H3C11: variants seen among roughly 807,000 people sequenced by gnomAD.
H3C11 encodes the protein histone H3.1.
Under a neutral mutation model 9.1 loss-of-function variants are expected in H3C11, and 10 were observed. The ratio of observed to expected loss-of-function variants is 1.10; its 90% CI spans 0.68 to 1.86. The LOEUF (loss-of-function observed/expected upper bound fraction) is 1.86, where lower values mean the gene tolerates loss of function less well. Among genes scored for constraint, H3C11 ranks in the 40% most tolerant of loss-of-function variants. The pLI is 0.00. For missense variants in H3C11, 197 were observed against 192.5 expected (o/e 1.02, Z -0.14); for synonymous variants, 132 against 82.4 (o/e 1.60, Z -3.26).
chr6:27,872,107 C>G lies in H3C11; in HGVS notation c.209G>C (p.Arg70Pro), dbSNP rs1323509294. 6.2e-7 allele frequency: 1 copy of G among 1,614,202 alleles called. No homozygotes were observed. The highest frequency in any genetic ancestry group is 8.5e-7 in the Non-Finnish European group (1 of 1,180,032). Residue 70 changes from arginine to proline, a missense_variant, in exon 1 of 1, where the codon CGC becomes CCC. Transcript: ENST00000616365. ...ELLIRKLPFQRLVREIAQDFK... is the reference protein window; with the variant it reads ...ELLIRKLPFQPLVREIAQDFK... ...GTCCTGTGCGATCTCCCGTACCAAGCGCTGAAAAGGTAGCTTCCGGATTAG... is the reference window on the plus strand; with the variant it reads ...GTCCTGTGCGATCTCCCGTACCAAGGGCTGAAAAGGTAGCTTCCGGATTAG...
chr6:27,871,857 A>C lies in H3C11; in HGVS notation c.*48T>G, dbSNP rs368456166. ...TTTTGGTGACAATTGAGGGGCTCTG[A>C]AAAGAGCCTTTTGGGGTTGGACAGA... On this transcript the variant is annotated 3_prime_UTR_variant, in exon 1 of 1. Coordinates refer to ENST00000616365, the MANE Select transcript of H3C11 (RefSeq NM_003533.3). The C allele has an allele frequency of 1.5e-5, 23 of 1,561,016 alleles. No individual in the cohort carries two copies. The African/African-American group carries it at 2.9e-4, about 19-fold the overall frequency.
Position 27,872,196 on chromosome 6 carries a change from G to A in H3C11, c.120C>T (p.His40=), listed in dbSNP as rs769559224. The change falls in exon 1 of 1, where the codon CAC becomes CAT. Residue 40 remains histidine (H), a synonymous_variant. Coordinates refer to ENST00000616365, the MANE Select transcript of H3C11 (RefSeq NM_003533.3). ...GGGCCACGGTGCCGGGGCGGTAGCG[G>A]TGGGGCTTCTTGACGCCACCGGTGG... ...APATGGVKKP[H]RYRPGTVALR... 5 of 1,613,630 alleles carry A rather than the reference G, an allele frequency of 3.1e-6. No individual in the cohort carries two copies. Among genetic ancestry groups the A allele is most frequent in the Admixed American group, 1.7e-5 (1 of 59,968 alleles).
rs770440163 is a variant in H3C11, at chr6:27,872,178, G to A, written c.138C>T (p.Thr46=). The stretch of plus-strand genomic sequence containing the variant: ...AGCGGCGGATCTCGCGCAGGGCCAC[G>A]GTGCCGGGGCGGTAGCGGTGGGGCT... ...VKKPHRYRPG[T]VALREIRRYQ... Residue 46 remains threonine (T), a synonymous_variant, in exon 1 of 1, where the codon ACC becomes ACT. Transcript: ENST00000616365. 1.1e-5 allele frequency: 18 copies of A among 1,613,896 alleles called. No homozygotes were observed. Among genetic ancestry groups the A allele is most frequent in the South Asian group, 2.2e-5 (2 of 91,084 alleles).
chr6:27,872,132 G>A lies in H3C11; in HGVS notation c.184C>T (p.Leu62=), dbSNP rs975924574. Residue 62 remains leucine (L), a synonymous_variant, in exon 1 of 1, where the codon CTA becomes TTA. Transcript: ENST00000616365. ...IRRYQKSTEL[L]IRKLPFQRLV... ...CGCTGAAAAGGTAGCTTCCGGATTA[G>A]CAGCTCGGTCGACTTCTGGTAGCGG... The A allele has an allele frequency of 1.2e-6, 2 of 1,614,066 alleles. No homozygotes were observed. Among genetic ancestry groups the A allele is most frequent in the East Asian group, 2.2e-5 (1 of 44,882 alleles).
chr6:27,871,976 G>C lies in H3C11; in HGVS notation c.340C>G (p.His114Asp). The C allele has an allele frequency of 6.2e-7, 1 of 1,614,240 alleles. No homozygotes were observed. Reference protein sequence around the residue: ...LFEDTNLCAIHAKRVTIMPKD... With the variant: ...LFEDTNLCAIDAKRVTIMPKD... Reference sequence around the variant, plus strand: ...GGCATAATAGTGACGCGTTTGGCGTGAATGGCGCACAGGTTGGTATCCTCA... The same window carrying C: ...GGCATAATAGTGACGCGTTTGGCGTCAATGGCGCACAGGTTGGTATCCTCA... Residue 114 changes from histidine to aspartate, a missense_variant, in exon 1 of 1, where the codon CAC (histidine) becomes GAC (aspartate). Coordinates refer to ENST00000616365, the MANE Select transcript of H3C11 (RefSeq NM_003533.3).
At position 27,872,225 on chromosome 6, in the gene H3C11, G is replaced by C. The variant is rs1441556812; in HGVS notation, c.91C>G (p.Pro31Ala). 8 of 1,612,964 alleles carry C rather than the reference G, an allele frequency of 5.0e-6. No individual in the cohort carries two copies. Among genetic ancestry groups the C allele is most frequent in the South Asian group, 1.1e-5 (1 of 91,008 alleles). Residue 31 changes from proline (P) to alanine (A), a missense_variant, in exon 1 of 1, where the codon CCG becomes GCG. By Grantham distance (27) the Pro-to-Ala change is conservative (BLOSUM62 -1). Transcript: ENST00000616365. ...LATKAARKSA[P>A]ATGGVKKPHR... The stretch of plus-strand genomic sequence containing the variant: ...GGCTTCTTGACGCCACCGGTGGCCG[G>C]AGCGCTCTTGCGAGCCGCCTTGGTG...
In H3C11 at chr6:27,871,948, T is replaced by C. The variant is rs761339099; in HGVS notation, c.368A>G (p.Lys123Arg). ...GATGCGGCGCGCAAGCTGGATGTCT[T>C]TAGGCATAATAGTGACGCGTTTGGC... is the stretch of plus-strand genomic sequence containing the variant. ...IHAKRVTIMP[K>R]DIQLARRIRG... The change falls in exon 1 of 1, where the codon AAA (lysine) becomes AGA (arginine). Residue 123 changes from lysine to arginine, a missense_variant. Physicochemically the swap from Lys to Arg is conservative, Grantham distance 26 (BLOSUM62 2). Coordinates refer to ENST00000616365, the MANE Select transcript of H3C11 (RefSeq NM_003533.3). 13 of 1,614,182 alleles carry C rather than the reference T, an allele frequency of 8.1e-6. No individual in the cohort carries two copies. Among genetic ancestry groups the C allele is most frequent in the Non-Finnish European group, 1.0e-5 (12 of 1,180,014 alleles).
Position 27,872,065 on chromosome 6 carries a change from C to A in H3C11, c.251G>T (p.Arg84Leu). Residue 84 changes from arginine (R) to leucine (L), a missense_variant, in exon 1 of 1, where the codon CGC becomes CTC. Arg to Leu is a moderately radical substitution (Grantham distance 102, BLOSUM62 -2). Coordinates refer to ENST00000616365, the MANE Select transcript of H3C11 (RefSeq NM_003533.3). Reference sequence around the variant, plus strand: ...CGCCATCACCGCCGAGCTCTGGAAGCGCAGATCGGTCTTAAAGTCCTGTGC... The same window carrying A: ...CGCCATCACCGCCGAGCTCTGGAAGAGCAGATCGGTCTTAAAGTCCTGTGC... Reference protein sequence around the residue: ...EIAQDFKTDLRFQSSAVMALQ... With the variant: ...EIAQDFKTDLLFQSSAVMALQ... 1 of 1,614,222 alleles carries A rather than the reference C, an allele frequency of 6.2e-7. No individual in the cohort carries two copies. The highest frequency in any genetic ancestry group is 2.2e-5 in the East Asian group (1 of 44,880).
rs1385431916 is a variant in H3C11 at position 27,872,279 on chromosome 6, C to T, written c.37G>A (p.Gly13Ser). Residue 13 changes from glycine to serine, a missense_variant, in exon 1 of 1, where the codon GGC becomes AGC. Gly to Ser is a moderately conservative substitution (Grantham distance 56). Transcript: ENST00000616365. Reference sequence around the variant, plus strand: ...AGCTGCTTGCGCGGCGCTTTGCCGCCGGTGGACTTGCGAGCTGTTTGCTTT... The same window carrying T: ...AGCTGCTTGCGCGGCGCTTTGCCGCTGGTGGACTTGCGAGCTGTTTGCTTT... The part of the protein sequence containing the change: ...RTKQTARKST[G>S]GKAPRKQLAT... 6.2e-7 allele frequency: 1 copy of T among 1,611,388 alleles called. No individual in the cohort carries two copies. Among genetic ancestry groups the T allele is most frequent in the Non-Finnish European group, 8.5e-7 (1 of 1,179,290 alleles).
In H3C11 at chr6:27,872,290, C is replaced by T; in HGVS notation, c.26G>A (p.Arg9His). 1.2e-6 allele frequency: 2 copies of T among 1,611,010 alleles called. No individual in the cohort carries two copies. The highest frequency in any genetic ancestry group is 1.7e-6 in the Non-Finnish European group (2 of 1,179,164). MARTKQTA[R>H]KSTGGKAPRK... ...CGGCGCTTTGCCGCCGGTGGACTTGCGAGCTGTTTGCTTTGTTCGTGCCAT... is the reference window on the plus strand; with the variant it reads ...CGGCGCTTTGCCGCCGGTGGACTTGTGAGCTGTTTGCTTTGTTCGTGCCAT... The change falls in exon 1 of 1, where the codon CGC becomes CAC. Residue 9 changes from arginine (R) to histidine (H), a missense_variant. Arg to His is a conservative substitution (Grantham distance 29). Transcript: ENST00000616365.
chr6:27,872,217 G>C lies in H3C11; in HGVS notation c.99C>G (p.Thr33=). 5 of 1,612,978 alleles carry C rather than the reference G, an allele frequency of 3.1e-6. No individual in the cohort carries two copies. Among genetic ancestry groups the C allele is most frequent in the Non-Finnish European group, 4.2e-6 (5 of 1,179,486 alleles). Residue 33 remains threonine, a synonymous_variant, in exon 1 of 1, where the codon ACC becomes ACG. Transcript: ENST00000616365. ...TKAARKSAPA[T]GGVKKPHRYR... ...AGCGGTGGGGCTTCTTGACGCCACC[G>C]GTGGCCGGAGCGCTCTTGCGAGCCG...
Position 27,872,327 on chromosome 6 carries a change from C to A in H3C11, c.-12G>T, listed in dbSNP as rs1284367983. 2.5e-6 allele frequency: 4 copies of A among 1,589,568 alleles called. No individual in the cohort carries two copies. The highest frequency in any genetic ancestry group is 8.5e-7 in the Non-Finnish European group (1 of 1,173,116). On this transcript the variant is annotated 5_prime_UTR_variant, in exon 1 of 1. Coordinates refer to ENST00000616365, the MANE Select transcript of H3C11 (RefSeq NM_003533.3). Reference sequence around the variant, plus strand: ...TTTGTTCGTGCCATGGCTAAGTAGACGTACCTACTCAACACAAATGAGAGA... The same window carrying A: ...TTTGTTCGTGCCATGGCTAAGTAGAAGTACCTACTCAACACAAATGAGAGA...
Position 27,871,845 on chromosome 6 carries a change from T to G in H3C11, c.*60A>C. On this transcript the variant is annotated 3_prime_UTR_variant, in exon 1 of 1. Transcript: ENST00000616365. ...GCTACAGCTTCCTTTTGGTGACAAT[T>G]GAGGGGCTCTGAAAAGAGCCTTTTG... is the stretch of plus-strand genomic sequence containing the variant. The G allele has an allele frequency of 6.6e-7, 1 of 1,516,904 alleles. No homozygotes were observed. The highest frequency in any genetic ancestry group is 8.9e-7 in the Non-Finnish European group (1 of 1,119,832). The allele number at this position is 1,516,904 out of a possible 1,614,324, so 94.0% of individuals were successfully genotyped here.
chr6:27,872,117 GTAGCTTCCGGA>G lies in H3C11; in HGVS notation c.188_198del (p.Ile63ThrfsTer14). 6.2e-7 allele frequency: 1 copy of G among 1,614,192 alleles called. No homozygotes were observed. Among genetic ancestry groups the G allele is most frequent in the South Asian group, 1.1e-5 (1 of 91,088 alleles). On this transcript the variant is annotated frameshift_variant, in exon 1 of 1. Coordinates refer to ENST00000616365, the MANE Select transcript of H3C11 (RefSeq NM_003533.3). LOFTEE classifies it high-confidence loss of function. ...ATCTCCCGTACCAAGCGCTGAAAAG[GTAGCTTCCGGA>G]TTAGCAGCTCGGTCGACTTCTGGTA...
rs145876619 is a variant in H3C11 at position 27,871,882 on chromosome 6, A to T, written c.*23T>A. 2 of 1,598,516 alleles carry T rather than the reference A, an allele frequency of 1.3e-6. No individual in the cohort carries two copies. Among genetic ancestry groups the T allele is most frequent in the South Asian group, 1.1e-5 (1 of 89,248 alleles). On this transcript the variant is annotated 3_prime_UTR_variant, in exon 1 of 1. Transcript: ENST00000616365. ...AAAAGAGCCTTTTGGGGTTGGACAGACTTCTTGGGCTGATAGGAATATTTA... is the reference window on the plus strand; with the variant it reads ...AAAAGAGCCTTTTGGGGTTGGACAGTCTTCTTGGGCTGATAGGAATATTTA...
Position 27,872,151 on chromosome 6 carries a change from G to T in H3C11, c.165C>A (p.Tyr55Ter), listed in dbSNP as rs984692698. The T allele has an allele frequency of 6.2e-7, 1 of 1,614,192 alleles. No homozygotes were observed. Among genetic ancestry groups the T allele is most frequent in the Non-Finnish European group, 8.5e-7 (1 of 1,180,016 alleles). ...GTVALREIRR[Y>*]QKSTELLIRK... ...GGATTAGCAGCTCGGTCGACTTCTGGTAGCGGCGGATCTCGCGCAGGGCCA... is the reference window on the plus strand; with the variant it reads ...GGATTAGCAGCTCGGTCGACTTCTGTTAGCGGCGGATCTCGCGCAGGGCCA... Residue 55 changes from tyrosine to a stop codon, truncating the protein, a stop_gained, in exon 1 of 1, where the codon TAC (tyrosine) becomes TAA (stop). Coordinates refer to ENST00000616365, the MANE Select transcript of H3C11 (RefSeq NM_003533.3). LOFTEE classifies it high-confidence loss of function.
chr6:27,872,226 A>T lies in H3C11; in HGVS notation c.90T>A (p.Ala30=). 6.2e-7 allele frequency: 1 copy of T among 1,612,862 alleles called. No homozygotes were observed. Among genetic ancestry groups the T allele is most frequent in the Non-Finnish European group, 8.5e-7 (1 of 1,179,478 alleles). The part of the protein sequence containing the change: ...QLATKAARKS[A]PATGGVKKPH... ...GCTTCTTGACGCCACCGGTGGCCGG[A>T]GCGCTCTTGCGAGCCGCCTTGGTGG... is the stretch of plus-strand genomic sequence containing the variant. The change falls in exon 1 of 1, where the codon GCT becomes GCA. Residue 30 remains alanine (A), a synonymous_variant. Coordinates refer to ENST00000616365, the MANE Select transcript of H3C11 (RefSeq NM_003533.3).
At position 27,872,235 on chromosome 6, in the gene H3C11, G is replaced by GCGAGC. The variant is rs1159494637; in HGVS notation, c.76_80dup (p.Lys28LeufsTer37). On this transcript the variant is annotated frameshift_variant, in exon 1 of 1. Coordinates refer to ENST00000616365, the MANE Select transcript of H3C11 (RefSeq NM_003533.3). LOFTEE classifies it high-confidence loss of function. The stretch of plus-strand genomic sequence containing the variant: ...CGCCACCGGTGGCCGGAGCGCTCTT[G>GCGAGC]CGAGCCGCCTTGGTGGCCAGCTGCT... 2 of 1,612,884 alleles carry GCGAGC rather than the reference G, an allele frequency of 1.2e-6. No individual in the cohort carries two copies. Among genetic ancestry groups the GCGAGC allele is most frequent in the East Asian group, 2.2e-5 (1 of 44,884 alleles).
At position 27,872,136 on chromosome 6, in the gene H3C11, C is replaced by T. The variant is rs373244072; in HGVS notation, c.180G>A (p.Glu60=). The change falls in exon 1 of 1, where the codon GAG becomes GAA. Residue 60 remains glutamate, a synonymous_variant. Transcript: ENST00000616365. The stretch of plus-strand genomic sequence containing the variant: ...GAAAAGGTAGCTTCCGGATTAGCAG[C>T]TCGGTCGACTTCTGGTAGCGGCGGA... ...REIRRYQKST[E]LLIRKLPFQR... The T allele has an allele frequency of 2.5e-6, 4 of 1,614,186 alleles. No homozygotes were observed. The highest frequency in any genetic ancestry group is 3.4e-6 in the Non-Finnish European group (4 of 1,180,024).
Sources: gnomAD v4.1 joint callset for allele counts on GRCh38, gnomAD v4.1.1 for gene constraint, MANE v1.5 for transcripts, NCBI Gene and HGNC (gene_info 2026-07-23, HGNC 2026-07-21) for gene names.